The following GSK3B variants were observed in gnomAD, a reference collection of about 807,000 sequenced individuals.
GSK3B encodes the protein glycogen synthase kinase 3 beta.
GSK3B carries 15 observed loss-of-function variants against 56.4 expected under a neutral mutation model. The observed-to-expected ratio is 0.27, with a 90% CI of 0.18 to 0.41. The LOEUF (loss-of-function observed/expected upper bound fraction) is 0.41. GSK3B is among the 10% of genes least tolerant of loss of function. The pLI, the probability that GSK3B is intolerant of heterozygous loss-of-function variation, is 1.00. For synonymous variants in GSK3B, 181 were observed against 188.9 expected, an observed-to-expected ratio of 0.96 and a Z score of 0.34; for missense variants, 300 against 513.4, an observed-to-expected ratio of 0.58 and a Z score of 4.02.
intron 1 of GSK3B, among the ~76,000 whole-genome samples, chr3:120,073,545 T>C (rs1293938220): frequency 6.6e-6 from 1 of 152,182 alleles, no homozygotes; most frequent in Non-Finnish European, 1.5e-5. Context: ...TATTTTAAAA[T>C]AAAATAAACT....
At chr3:119,933,368 G>A (rs2056965309) in intron 3 of GSK3B, among the ~76,000 whole-genome samples, 1 of 152,170 alleles carries the variant, frequency 6.6e-6, no homozygotes, top group Admixed American at 6.5e-5. Context: ...TAATTCAGAA[G>A]TGAAGACATA....
intron 7 of GSK3B, among the ~76,000 whole-genome samples, chr3:119,897,506 A>C: frequency 6.6e-6 from 1 of 151,998 alleles, no homozygotes; most frequent in Non-Finnish European, 1.5e-5. Flanking sequence ...AAAGATGTTT[A>C]CCCTGGAGTT....
At chr3:119,850,011 T>C (rs778801222) in intron 9 of GSK3B, among the ~76,000 whole-genome samples, 3 of 151,312 alleles carry the variant, frequency 2.0e-5, no homozygotes, top group Non-Finnish European at 2.9e-5. Flanking sequence ...AATAGTTTTA[T>C]AGATGTAAAT....
At chr3:119,912,196 AG>A (rs1184663228) in intron 6 of GSK3B, among the ~76,000 whole-genome samples, 1 of 152,166 alleles carries the variant, frequency 6.6e-6, no homozygotes, top group Admixed American at 6.5e-5. Context: ...GCCTGAGGAT[AG>A]GAAGAGAGAT....
At chr3:119,905,147 A>T (rs1275535014) in intron 7 of GSK3B, among the ~76,000 whole-genome samples, 2 of 151,818 alleles carry the variant, frequency 1.3e-5, no homozygotes, top group Non-Finnish European at 2.9e-5. Context: ...TGAAAGCAGA[A>T]GCTGTGTCTG....
chr3:119,877,804 A>G (rs1443789945), intron 7 of GSK3B, among the ~76,000 whole-genome samples: 1 of 152,230 alleles, frequency 6.6e-6, no homozygotes, highest in African/African-American at 2.4e-5. Flanking sequence ...TGAACAAAAG[A>G]AAGTACATGG....
At chr3:120,040,986 C>T (rs759508585) in intron 1 of GSK3B, among the ~76,000 whole-genome samples, 6 of 152,086 alleles carry the variant, frequency 3.9e-5, no homozygotes, top group East Asian at 1.9e-4. Flanking sequence ...GCACCTAAGT[C>T]GCCAGGCAGC....
At chr3:119,981,045 A>G (rs893879205) in intron 2 of GSK3B, among the ~76,000 whole-genome samples, 1 of 152,228 alleles carries the variant, frequency 6.6e-6, no homozygotes, top group Non-Finnish European at 1.5e-5. Context: ...ATGTCACTGT[A>G]ACTCTTAGCT....
chr3:120,011,181 A>G (rs1020660527), intron 1 of GSK3B, among the ~76,000 whole-genome samples: 1 of 152,182 alleles, frequency 6.6e-6, no homozygotes, highest in Non-Finnish European at 1.5e-5. Context: ...CTGCATAACC[A>G]TATTTCAATA....
chr3:120,062,726 T>C (rs529135864), intron 1 of GSK3B, among the ~76,000 whole-genome samples: 138 of 152,358 alleles, frequency 9.1e-4, no homozygotes, highest in African/African-American at 3.2e-3. Flanking sequence ...GCTTTTCCCC[T>C]ACTTTTATGG....
At chr3:119,903,958 A>G (rs1055570369) in intron 7 of GSK3B, among the ~76,000 whole-genome samples, 1 of 152,176 alleles carries the variant, frequency 6.6e-6, no homozygotes, top group Non-Finnish European at 1.5e-5. Flanking sequence ...CCCATAAGCT[A>G]AGAATTAACA....
chr3:119,863,634 T>C (rs765731206), intron 8 of GSK3B, 29 bp from the exon 9 acceptor site: 2 of 1,416,722 alleles, frequency 1.4e-6, no homozygotes, highest in East Asian at 2.3e-5. Context: ...GAAAGAACAA[T>C]TAATGTTTTA....
intron 2 of GSK3B, among the ~76,000 whole-genome samples, chr3:119,994,453 A>T (rs1482628230): frequency 6.6e-6 from 1 of 152,200 alleles, no homozygotes; most frequent in Admixed American, 6.5e-5. Flanking sequence ...GCTGGATGAG[A>T]AAAAGGTTAT....
chr3:119,933,660 T>TG (rs1409825003), intron 3 of GSK3B, among the ~76,000 whole-genome samples: 1 of 152,094 alleles, frequency 6.6e-6, no homozygotes, highest in Admixed American at 6.5e-5. Flanking sequence ...GTGGATCACC[T>TG]GAGGTCAGGA....
chr3:119,877,467 C>A (rs1364441789), intron 7 of GSK3B, among the ~76,000 whole-genome samples: 3 of 152,064 alleles, frequency 2.0e-5, no homozygotes, highest in African/African-American at 7.2e-5. Flanking sequence ...TATTATTCTT[C>A]ATTAATGTAT....
chr3:119,912,203 G>A (rs774263483), intron 6 of GSK3B, among the ~76,000 whole-genome samples: 12 of 152,140 alleles, frequency 7.9e-5, no homozygotes, highest in Non-Finnish European at 1.5e-4. Context: ...GATAGGAAGA[G>A]AGATGGGGAA....
intron 1 of GSK3B, among the ~76,000 whole-genome samples, chr3:120,080,195 G>T (rs781233171): frequency 6.6e-6 from 1 of 152,066 alleles, no homozygotes; most frequent in Non-Finnish European, 1.5e-5. Context: ...GGATGCTGAG[G>T]TGGGAGGATT....
At chr3:119,987,652 A>C (rs1559865477) in intron 2 of GSK3B, among the ~76,000 whole-genome samples, 2 of 151,218 alleles carry the variant, frequency 1.3e-5, no homozygotes. Flanking sequence ...AAAACTTATA[A>C]AGCATTAAAA....
At chr3:120,055,392 C>G (rs767862850) in intron 1 of GSK3B, among the ~76,000 whole-genome samples, 8 of 152,114 alleles carry the variant, frequency 5.3e-5, no homozygotes, top group African/African-American at 1.2e-4. Context: ...CATCACAGTA[C>G]AGCAATAATA....
Sources: gnomAD v4.1 joint callset for allele counts (sites outside exome capture counted in the v4.1 genomes callset) on GRCh38, gnomAD v4.1.1 for gene constraint, MANE v1.5 for transcripts, NCBI Gene and HGNC (gene_info 2026-07-23, HGNC 2026-07-21) for gene names.